The following UBE3B variants were observed in gnomAD, a reference collection of about 807,000 sequenced individuals.
The protein encoded by UBE3B is ubiquitin protein ligase E3B.
UBE3B carries 80 observed loss-of-function variants against 132.3 expected under a neutral mutation model. The observed-to-expected ratio is 0.60, with a 90% confidence interval of 0.50 to 0.73. The LOEUF (loss-of-function observed/expected upper bound fraction) is 0.73, where lower values mean the gene tolerates loss of function less well. Among genes scored for constraint, UBE3B ranks in the 30% least tolerant of loss-of-function variants. The probability of loss-of-function intolerance (pLI) is 0.00; values close to 1 mark genes in which losing one functional copy is unlikely to be tolerated. For missense variants in UBE3B, 1,196 were observed against 1,362.5 expected (o/e 0.88, Z 1.92); for synonymous variants, 487 against 520.4 (o/e 0.94, Z 0.87).
At position 109,498,218 on chromosome 12, in the gene UBE3B, T is replaced by A; in HGVS notation, c.820-15T>A. 1 of 1,613,782 alleles carries A rather than the reference T, an allele frequency of 6.2e-7. No homozygotes were observed. The highest frequency in any genetic ancestry group is 8.5e-7 in the Non-Finnish European group (1 of 1,179,842). ...TCTGGCAGTTTCTGATTTAACGGTC[T>A]GCTATTCTTTGCAGCGCCTCACTGT... On this transcript the variant is annotated splice_polypyrimidine_tract_variant and intron_variant, in intron 10 of 27. Transcript: ENST00000342494.
At chr12:109,484,556 T>A (rs1876060804) in intron 4 of UBE3B, among the ~76,000 whole-genome samples, 1 of 152,022 alleles carries the variant, frequency 6.6e-6, no homozygotes, top group Non-Finnish European at 1.5e-5. Context: ...CACGCCCAGC[T>A]AATTTTTGTA....
intron 18 of UBE3B, among the ~76,000 whole-genome samples, chr12:109,515,155 C>T (rs930005801): frequency 3.3e-5 from 5 of 151,850 alleles, no homozygotes; most frequent in African/African-American, 4.8e-5. Context: ...CCTCATGATC[C>T]GCCCGCCTAG....
chr12:109,529,835 AC>A, intron 24 of UBE3B, 54 bp from the exon 25 acceptor site: 10 of 1,599,726 alleles, frequency 6.3e-6, no homozygotes, highest in Non-Finnish European at 8.6e-6. Flanking sequence ...CCCATTGGTG[AC>A]AGCCTGCCCC....
chr12:109,514,946 C>T (rs1880827364), intron 18 of UBE3B, among the ~76,000 whole-genome samples: 1 of 151,848 alleles, frequency 6.6e-6, no homozygotes, highest in African/African-American at 2.4e-5. Context: ...CAGAGTCTCG[C>T]TCTGTCGCCC....
At chr12:109,491,293 C>G in intron 9 of UBE3B, 166 bp downstream of exon 9, 2 of 504,846 alleles carry the variant, frequency 4.0e-6, no homozygotes, top group African/African-American at 2.0e-5. Context: ...ACTGCTCAAA[C>G]TTTTTCTTAA....
At chr12:109,485,467 G>C (rs1876274600) in intron 4 of UBE3B, among the ~76,000 whole-genome samples, 1 of 152,250 alleles carries the variant, frequency 6.6e-6, no homozygotes, top group Non-Finnish European at 1.5e-5. Flanking sequence ...CTGCAGCTCA[G>C]GGTGGTAGGG....
intron 24 of UBE3B, among the ~76,000 whole-genome samples, chr12:109,526,968 A>G (rs1882412310): frequency 6.6e-6 from 1 of 152,154 alleles, no homozygotes; most frequent in African/African-American, 2.4e-5. Flanking sequence ...CGGTGTTCTT[A>G]GGAGTTTAAT....
Position 109,507,619 on chromosome 12 carries a change from C to T in UBE3B, c.1506C>T (p.Leu502=), listed in dbSNP as rs372616845. ...LPKLWAFICE[L]GPHGGLKLFL... ...AACTGTGGGCATTTATCTGTGAGCT[C>T]GGGCCCCACGGAGGGTTAAAGCTCT... Residue 502 remains leucine (L), a synonymous_variant, in exon 15 of 28, where the codon CTC becomes CTT. Coordinates refer to ENST00000342494, the MANE Select transcript of UBE3B (RefSeq NM_130466.4). 1.7e-5 allele frequency: 27 copies of T among 1,614,020 alleles called. No individual in the cohort carries two copies. The highest frequency in any genetic ancestry group is 1.8e-5 in the Non-Finnish European group (21 of 1,180,026).
chr12:109,533,033 C>T (rs1363919637), intron 26 of UBE3B, among the ~76,000 whole-genome samples: 1 of 152,192 alleles, frequency 6.6e-6, no homozygotes, highest in African/African-American at 2.4e-5. Flanking sequence ...GTGGGTGCCA[C>T]CAGCCTCCGC....
At chr12:109,533,776 T>C (rs1042154314) in intron 27 of UBE3B, 3 of 862,650 alleles carry the variant, frequency 3.5e-6, no homozygotes, top group Non-Finnish European at 5.6e-6. Context: ...CGGCAGCCCC[T>C]TTCTCTTTCC....
chr12:109,538,516 C>T (rs567422741), downstream of UBE3B, among the ~76,000 whole-genome samples: 34 of 152,314 alleles, frequency 2.2e-4, 1 homozygote, highest in South Asian at 6.8e-3. The surrounding 1 kb of genome is among the most constrained non-coding windows in gnomAD (Gnocchi z 4.1). Context: ...CTCCAGAGCA[C>T]GTGAGGATTA....
chr12:109,508,748 G>A (rs1172888135), intron 15 of UBE3B: 7 of 985,022 alleles, frequency 7.1e-6, no homozygotes, highest in African/African-American at 3.5e-5. Flanking sequence ...TTATTCTAGT[G>A]TATGGAGCAG....
chr12:109,511,089 T>C, intron 17 of UBE3B, 115 bp from the exon 18 acceptor site: 2 of 866,068 alleles, frequency 2.3e-6, no homozygotes, highest in Non-Finnish European at 3.7e-6. Context: ...CCCATCAGAC[T>C]CTTGAGAAAC....
intron 24 of UBE3B, 54 bp from the exon 25 acceptor site, chr12:109,529,836 C>A: frequency 6.2e-7 from 1 of 1,600,502 alleles, no homozygotes; most frequent in Admixed American, 1.7e-5. Flanking sequence ...CCATTGGTGA[C>A]AGCCTGCCCC....
intron 4 of UBE3B, among the ~76,000 whole-genome samples, chr12:109,484,466 C>T (rs1876038268): frequency 6.6e-6 from 1 of 152,118 alleles, no homozygotes; most frequent in South Asian, 2.1e-4. Context: ...TCTTGGCTCA[C>T]TGCCAGTCTT....
intron 19 of UBE3B, 136 bp downstream of exon 19, chr12:109,517,020 A>C: frequency 1.5e-6 from 2 of 1,353,276 alleles, no homozygotes; most frequent in Non-Finnish European, 2.0e-6. Flanking sequence ...GGAGCAGGAA[A>C]GGGGTCATTT....
At chr12:109,480,738 G>A (rs753254006) in intron 1 of UBE3B, among the ~76,000 whole-genome samples, 3 of 151,974 alleles carry the variant, frequency 2.0e-5, no homozygotes, top group Non-Finnish European at 4.4e-5. Flanking sequence ...CCCAAAGCCC[G>A]TGTGCCCCTC....
Position 109,510,445 on chromosome 12 carries a change from C to G in UBE3B, c.1843C>G (p.His615Asp), listed in dbSNP as rs1446674354. 3.1e-6 allele frequency: 5 copies of G among 1,611,438 alleles called. No individual in the cohort carries two copies. In the South Asian group the frequency reaches 3.3e-5, roughly 11 times the overall value. ...DCRRRFTPED[H>D]WLRKDLKPSV... ...CCGGCGGCGCTTCACCCCCGAGGAC[C>G]ACTGGCTGCGAAAGTGAGCTCCAGG... The change falls in exon 17 of 28, where the codon CAC becomes GAC. Residue 615 changes from histidine to aspartate, a missense_variant. Physicochemically the swap from His to Asp is moderately conservative, Grantham distance 81 (BLOSUM62 -1). Coordinates refer to ENST00000342494, the MANE Select transcript of UBE3B (RefSeq NM_130466.4).
chr12:109,503,069 T>C lies in UBE3B; in HGVS notation c.1329T>C (p.Ile443=). The change falls in exon 14 of 28, where the codon ATT becomes ATC. Residue 443 remains isoleucine, a synonymous_variant. Coordinates refer to ENST00000342494, the MANE Select transcript of UBE3B (RefSeq NM_130466.4). Reference sequence around the variant, plus strand: ...AAAAGTCGGCATCAGTCCGGAATATTCTCAGGCCTGTCGGGGGTAAACGGG... The same window carrying C: ...AAAAGTCGGCATCAGTCCGGAATATCCTCAGGCCTGTCGGGGGTAAACGGG... The part of the protein sequence containing the change: ...AFQKSASVRN[I]LRPVGGKRVD... The C allele has an allele frequency of 6.2e-7, 1 of 1,614,122 alleles. No homozygotes were observed.
Sources: allele counts gnomAD v4.1 joint callset (sites outside exome capture counted in the v4.1 genomes callset), GRCh38; gene constraint gnomAD v4.1.1; non-coding constraint Gnocchi (gnomAD v3.1); transcripts MANE v1.5; gene names NCBI Gene and HGNC (gene_info 2026-07-23, HGNC 2026-07-21).